SRFBP1: variants seen among roughly 807,000 people sequenced by gnomAD.
The protein encoded by SRFBP1 is serum response factor-binding protein 1.
SRFBP1 carries 47 observed loss-of-function variants against 45.5 expected under a neutral mutation model. The observed-to-expected ratio is 1.03, with a 90% CI of 0.82 to 1.32. SRFBP1 has a LOEUF of 1.32. SRFBP1 is among the 40% of genes most tolerant of loss of function. The pLI, the probability that SRFBP1 is intolerant of heterozygous loss-of-function variation, is 0.00. For missense variants in SRFBP1, 621 were observed against 484.6 expected (o/e 1.28, Z -2.64); for synonymous variants, 203 against 166.3 (o/e 1.22, Z -1.70).
At chr5:121,987,900 T>C (rs937495324) in intron 3 of SRFBP1, among the ~76,000 whole-genome samples, 3 of 152,170 alleles carry the variant, frequency 2.0e-5, no homozygotes, top group African/African-American at 7.2e-5. Context: ...GAGGCAGCAC[T>C]GCACTGCTTA....
At chr5:122,076,762 C>G (rs897459021), downstream of SRFBP1, 1 of 706,022 alleles carries the variant, frequency 1.4e-6, no homozygotes, top group African/African-American at 1.8e-5. Context: ...CAGGAGGTCA[C>G]GTCCCACTTC....
At chr5:122,033,852 C>G (rs1753632365) in intron 2 of SRFBP1, among the ~76,000 whole-genome samples, 1 of 116,502 alleles carries the variant, frequency 8.6e-6, no homozygotes, top group East Asian at 2.8e-4. Context: ...GAGACAGAGT[C>G]TTGCTTCATT....
chr5:121,972,106 T>G (rs1752210505), intron 1 of SRFBP1, among the ~76,000 whole-genome samples: 1 of 151,810 alleles, frequency 6.6e-6, no homozygotes, highest in East Asian at 1.9e-4. Flanking sequence ...TAAAAATCAG[T>G]GGGAAACAAA....
chr5:121,962,230 C>G (rs1751962123), intron 1 of SRFBP1, among the ~76,000 whole-genome samples, 162 bp downstream of exon 1: 1 of 152,168 alleles, frequency 6.6e-6, no homozygotes, highest in Non-Finnish European at 1.5e-5. Context: ...CGGTAATTTC[C>G]CTTTTCGGTC....
At chr5:121,980,532 G>A (rs1752387878) in intron 3 of SRFBP1, among the ~76,000 whole-genome samples, 1 of 152,000 alleles carries the variant, frequency 6.6e-6, no homozygotes, top group African/African-American at 2.4e-5. Context: ...TTCTCTGATA[G>A]TATTTTCATT....
chr5:122,025,959 A>G (rs1027097581), intron 7 of SRFBP1, among the ~76,000 whole-genome samples: 2 of 152,140 alleles, frequency 1.3e-5, no homozygotes, highest in African/African-American at 4.8e-5. Context: ...GCATAGTGGC[A>G]CATGCCTGTA....
At chr5:122,044,097 A>G (rs1045903636) in intron 2 of SRFBP1, among the ~76,000 whole-genome samples, 2 of 152,094 alleles carry the variant, frequency 1.3e-5, no homozygotes, top group African/African-American at 4.8e-5. Context: ...TGCAGGTGAG[A>G]ATGTGCAGTA....
intron 4 of SRFBP1, among the ~76,000 whole-genome samples, chr5:121,997,538 G>A (rs1165836018): frequency 3.3e-5 from 5 of 151,578 alleles, no homozygotes; most frequent in East Asian, 3.9e-4. Context: ...AGATTTAAAC[G>A]TTAGACCTAA....
chr5:121,993,544 G>A (rs1752657787), intron 3 of SRFBP1, among the ~76,000 whole-genome samples: 1 of 152,146 alleles, frequency 6.6e-6, no homozygotes, highest in Non-Finnish European at 1.5e-5. Context: ...GTTAAGGTCA[G>A]CCTTTCTACC....
intron 2 of SRFBP1, among the ~76,000 whole-genome samples, chr5:122,053,520 C>G (rs1386346787): frequency 6.6e-6 from 1 of 151,818 alleles, no homozygotes; most frequent in Non-Finnish European, 1.5e-5. Flanking sequence ...GCAGGCATTG[C>G]CTACCTGGCT....
chr5:122,066,692 A>G, intron 2 of SRFBP1: 3 of 1,517,316 alleles, frequency 2.0e-6, no homozygotes, highest in Non-Finnish European at 2.7e-6. Flanking sequence ...ATTTTTTCCC[A>G]CTTCAGAACA....
chr5:122,034,161 C>G (rs1753642837), intron 2 of SRFBP1, among the ~76,000 whole-genome samples: 1 of 152,164 alleles, frequency 6.6e-6, no homozygotes, highest in African/African-American at 2.4e-5. Context: ...TTAGGTGTTT[C>G]TCTTGAATAG....
At chr5:121,990,439 G>C (rs1306396902) in intron 3 of SRFBP1, among the ~76,000 whole-genome samples, 5 of 152,100 alleles carry the variant, frequency 3.3e-5, no homozygotes, top group Admixed American at 3.3e-4. Context: ...GGTGGAGTGG[G>C]GAGAAGTCTG....
At chr5:122,020,029 A>G in intron 5 of SRFBP1, 59 bp from the exon 6 acceptor site, 1 of 1,228,620 alleles carries the variant, frequency 8.1e-7, no homozygotes, top group Non-Finnish European at 1.1e-6. Context: ...ACTGTCCTAA[A>G]ACAGTCATGT....
chr5:122,011,244 G>GT (rs1352814028), intron 4 of SRFBP1, among the ~76,000 whole-genome samples: 8 of 152,046 alleles, frequency 5.3e-5, no homozygotes, highest in Middle Eastern at 6.8e-3. Context: ...ATGCTTTTCT[G>GT]TTTACAATAA....
intron 1 of SRFBP1, among the ~76,000 whole-genome samples, chr5:121,963,813 G>T (rs1561572655): frequency 6.6e-6 from 1 of 151,544 alleles, no homozygotes. Context: ...AAAAAGGACA[G>T]AAAAAAGTGG....
At chr5:121,987,639 A>G (rs1261465510) in intron 3 of SRFBP1, among the ~76,000 whole-genome samples, 1 of 152,150 alleles carries the variant, frequency 6.6e-6, no homozygotes, top group Non-Finnish European at 1.5e-5. Flanking sequence ...GGCACCTTCT[A>G]ATTTTTTGTA....
chr5:122,028,733 T>A (rs1287175555), downstream of SRFBP1: 1 of 152,236 alleles, frequency 6.6e-6, no homozygotes, highest in African/African-American at 2.4e-5. Flanking sequence ...TATTTTGATA[T>A]AATTTCAGAC....
chr5:122,022,777 G>A (rs1753389773), intron 7 of SRFBP1, among the ~76,000 whole-genome samples: 3 of 152,212 alleles, frequency 2.0e-5, no homozygotes, highest in Admixed American at 1.3e-4. Context: ...TTGGGCAAGA[G>A]TATAATCAGA....
Sources: allele counts gnomAD v4.1 joint callset (sites outside exome capture counted in the v4.1 genomes callset), GRCh38; gene constraint gnomAD v4.1.1; transcripts MANE v1.5; gene names NCBI Gene and HGNC (gene_info 2026-07-23, HGNC 2026-07-21).